Variants in XKRX observed in about 807,000 individuals in gnomAD.
The protein encoded by XKRX is XK related X-linked.
In XKRX, 11 loss-of-function variants were observed where a neutral mutation model predicts 22.4. The observed-to-expected ratio is 0.49, with a 90% CI of 0.31 to 0.81. The LOEUF is 0.81. XKRX is among the 40% of genes least tolerant of loss of function. XKRX has a pLI of 0.05. For missense variants in XKRX, 320 were observed against 336.5 expected, an observed-to-expected ratio of 0.95 and a Z score of 0.38; for synonymous variants, 114 against 132.2, an observed-to-expected ratio of 0.86 and a Z score of 0.94.
intron 2 of XKRX, among the ~76,000 whole-genome samples, chrX:100,915,478 A>G (rs760762652): frequency 9.0e-6 from 1 of 111,486 alleles, no homozygotes; most frequent in African/African-American, 3.3e-5. Context: ...TATGGAAAAC[A>G]GCATGGAGGT....
intron 1 of XKRX, among the ~76,000 whole-genome samples, chrX:100,925,728 A>G (rs1323264051): frequency 8.9e-6 from 1 of 112,121 alleles, no homozygotes; most frequent in African/African-American, 3.2e-5. Flanking sequence ...TTTCAAGGTC[A>G]AGATGAGGTC....
chrX:100,932,628 C>T (rs1007903501), upstream of XKRX, among the ~76,000 whole-genome samples: 5 of 112,197 alleles, frequency 4.5e-5, no homozygotes, highest in African/African-American at 1.6e-4. Flanking sequence ...TGGGGTTGAG[C>T]TTTCCAAGCC....
At chrX:100,949,931 G>T in the XKRX span, among the ~76,000 whole-genome samples, 1 of 111,269 alleles carries the variant, frequency 9.0e-6, no homozygotes, top group African/African-American at 3.3e-5. Flanking sequence ...ATATAAAAAA[G>T]AACCAAATGA....
At chrX:100,897,690 CA>C in the XKRX span, among the ~76,000 whole-genome samples, 703 of 12,952 alleles carry the variant, frequency 0.054, 17 homozygotes, top group African/African-American at 0.15. Context: ...AACTCAACAG[CA>C]AAAAAAAAAA....
intron 2 of XKRX, among the ~76,000 whole-genome samples, chrX:100,919,012 T>C (rs1379033118): frequency 9.0e-6 from 1 of 111,509 alleles, no homozygotes; most frequent in Non-Finnish European, 1.9e-5. Context: ...TATACAACTT[T>C]ACTGAAGAAA....
rs757960748 is a variant in XKRX at position 100,928,132 on chromosome X, T to C, written c.173A>G (p.Tyr58Cys). 8.3e-7 allele frequency: 1 copy of C among 1,211,821 alleles called. No individual in the cohort carries two copies. The highest frequency in any genetic ancestry group is 2.2e-5 in the Admixed American group (1 of 46,054). Residue 58 changes from tyrosine (Y) to cysteine (C), a missense_variant, in exon 1 of 3, where the codon TAT (tyrosine) becomes TGT (cysteine). Coordinates refer to ENST00000372956, the MANE Select transcript of XKRX (RefSeq NM_212559.3). ...AASALYMVRI[Y>C]RKNSETYWMT... is the part of the protein sequence containing the mutation. Reference sequence around the variant, plus strand: ...CCAGTAAGTTTCACTATTCTTTCGATAGATTCTAACCATGTACAAAGCAGA... The same window carrying C: ...CCAGTAAGTTTCACTATTCTTTCGACAGATTCTAACCATGTACAAAGCAGA...
the XKRX span, among the ~76,000 whole-genome samples, chrX:100,900,645 A>T: frequency 9.3e-6 from 1 of 107,932 alleles, no homozygotes; most frequent in Non-Finnish European, 1.9e-5. Context: ...CTGTAAAATT[A>T]AAAAAAAGAA....
chrX:100,918,258 C>T (rs986466745), intron 2 of XKRX, among the ~76,000 whole-genome samples: 4 of 111,671 alleles, frequency 3.6e-5, no homozygotes, highest in Non-Finnish European at 7.5e-5. Context: ...GCTCTGAGTT[C>T]TTCAGTTTTA....
At chrX:100,937,686 C>T in the XKRX span, among the ~76,000 whole-genome samples, 1 of 112,132 alleles carries the variant, frequency 8.9e-6, no homozygotes, top group Non-Finnish European at 1.9e-5. Context: ...ACTTCAGAGT[C>T]ATTCGCACAC....
At chrX:100,899,544 C>CATTCTCA in the XKRX span, among the ~76,000 whole-genome samples, 1 of 112,147 alleles carries the variant, frequency 8.9e-6, no homozygotes, top group East Asian at 2.8e-4. Flanking sequence ...TGAGAAAGCC[C>CATTCTCA]ATTCAAATGG....
At chrX:100,926,109 T>C (rs144345494) in intron 1 of XKRX, among the ~76,000 whole-genome samples, 2,995 of 111,937 alleles carry the variant, frequency 0.027, 64 homozygotes, top group Non-Finnish European at 0.043. Flanking sequence ...TTTTCATTTA[T>C]CATCTCACAC....
the XKRX span, among the ~76,000 whole-genome samples, chrX:100,903,828 T>C: frequency 8.9e-6 from 1 of 112,264 alleles, no homozygotes; most frequent in African/African-American, 3.2e-5. Context: ...TGATGGAAGA[T>C]ATCAAATAAT....
In XKRX at chrX:100,914,809, G is replaced by A. The variant is rs2085424960; in HGVS notation, c.879C>T (p.Ala293=). 1.7e-6 allele frequency: 2 copies of A among 1,211,627 alleles called. No individual in the cohort carries two copies. Among genetic ancestry groups the A allele is most frequent in the Non-Finnish European group, 2.2e-6 (2 of 895,541 alleles). Residue 293 remains alanine, a synonymous_variant, in exon 3 of 3, where the codon GCC becomes GCT. Coordinates refer to ENST00000372956, the MANE Select transcript of XKRX (RefSeq NM_212559.3). ...TTTTCTCAATGTTATTGGGCATCTG[G>A]GCACCACTTCTCCAGAACTTAATCC... ...EPWIKFWRSG[A]QMPNNIEKNF...
downstream of XKRX, among the ~76,000 whole-genome samples, chrX:100,913,031 C>T (rs2085412335): frequency 9.1e-6 from 1 of 109,404 alleles, no homozygotes; most frequent in Admixed American, 9.8e-5. Flanking sequence ...AACCCCATCT[C>T]TACTAAAAAT....
At chrX:100,920,967 G>A (rs1220900703) in intron 2 of XKRX, among the ~76,000 whole-genome samples, 1 of 110,051 alleles carries the variant, frequency 9.1e-6, no homozygotes, top group Non-Finnish European at 1.9e-5. Context: ...TGCCCAGGCT[G>A]GAGTGCAACG....
the XKRX span, chrX:100,956,858 C>A: frequency 1.3e-6 from 1 of 777,566 alleles, no homozygotes; most frequent in Non-Finnish European, 2.0e-6. Flanking sequence ...GAAGGACTGT[C>A]TAAAGTCAAG....
chrX:100,905,981 T>TA, the XKRX span, among the ~76,000 whole-genome samples: 1 of 112,219 alleles, frequency 8.9e-6, no homozygotes, highest in Admixed American at 9.5e-5. Flanking sequence ...AAGATGCATT[T>TA]AAAATTACAA....
the XKRX span, among the ~76,000 whole-genome samples, chrX:100,899,505 AC>A: frequency 2.7e-5 from 3 of 112,560 alleles, no homozygotes; most frequent in African/African-American, 9.7e-5. Context: ...ACAGAGTGGG[AC>A]CCTGTCTCAA....
chrX:100,950,183 A>G, the XKRX span, among the ~76,000 whole-genome samples: 1 of 111,878 alleles, frequency 8.9e-6, no homozygotes, highest in Non-Finnish European at 1.9e-5. Flanking sequence ...AAATAGAAAG[A>G]CTAGGGGGCT....
Sources: gnomAD v4.1 joint callset for allele counts (sites outside exome capture counted in the v4.1 genomes callset) on GRCh38, gnomAD v4.1.1 for gene constraint, MANE v1.5 for transcripts, NCBI Gene and HGNC (gene_info 2026-07-23, HGNC 2026-07-21) for gene names.